SOX6: variants seen among roughly 807,000 people sequenced by gnomAD.
SOX6 encodes the protein SRY-box transcription factor 6.
A neutral mutation model predicts 97.8 loss-of-function variants in SOX6; 11 were observed. The ratio of observed to expected loss-of-function variants is 0.11; its 90% confidence interval spans 0.07 to 0.19. SOX6 has a LOEUF of 0.19. Ranked by LOEUF, SOX6 falls within the 10% of genes least tolerant of loss-of-function variation. The pLI is 1.00. For synonymous variants in SOX6, 360 were observed against 371.4 expected, an observed-to-expected ratio of 0.97 and a Z score of 0.35; for missense variants, 810 against 1,039.5, an observed-to-expected ratio of 0.78 and a Z score of 3.04.
chr11:16,322,599 G>A (rs575956232), intron 2 of SOX6, among the ~76,000 whole-genome samples: 11 of 152,262 alleles, frequency 7.2e-5, no homozygotes, highest in African/African-American at 2.6e-4. Flanking sequence ...GCTGTGAAGA[G>A]ACTTGAGACA....
chr11:16,167,297 G>A (rs907240820), intron 6 of SOX6, among the ~76,000 whole-genome samples: 1 of 151,892 alleles, frequency 6.6e-6, no homozygotes, highest in Non-Finnish European at 1.5e-5. Context: ...TCTAAATCTC[G>A]TTGGCTTTGC....
At chr11:16,493,285 C>T (rs975096882) in intron 4 of SOX6, among the ~76,000 whole-genome samples, 12 of 152,018 alleles carry the variant, frequency 7.9e-5, no homozygotes, top group African/African-American at 2.7e-4. Flanking sequence ...CACGAAATAA[C>T]AAAAATGTAT....
At chr11:16,502,497 A>G (rs1284475661) in intron 4 of SOX6, among the ~76,000 whole-genome samples, 5 of 152,100 alleles carry the variant, frequency 3.3e-5, no homozygotes, top group African/African-American at 1.2e-4. Context: ...CAGGAGAGAA[A>G]TGAGAAATTT....
chr11:16,644,134 AG>A (rs2134007488), intron 3 of SOX6, among the ~76,000 whole-genome samples: 1 of 152,224 alleles, frequency 6.6e-6, no homozygotes, highest in Non-Finnish European at 1.5e-5. Flanking sequence ...TCAACCTCCC[AG>A]GCTCAAGCAA....
chr11:16,435,407 A>G (rs936113540), intron 1 of SOX6, among the ~76,000 whole-genome samples: 1 of 152,228 alleles, frequency 6.6e-6, no homozygotes, highest in Non-Finnish European at 1.5e-5. Flanking sequence ...GCAGGCTAAT[A>G]GCCAAAGCAT....
At chr11:16,074,156 C>G (rs578226415) in intron 9 of SOX6, among the ~76,000 whole-genome samples, 2 of 152,094 alleles carry the variant, frequency 1.3e-5, no homozygotes, top group East Asian at 1.9e-4. Context: ...ATCAACAAAC[C>G]TGGTAGTTTG....
At chr11:16,373,665 T>G (rs1857552939) in intron 1 of SOX6, among the ~76,000 whole-genome samples, 1 of 152,068 alleles carries the variant, frequency 6.6e-6, no homozygotes, top group South Asian at 2.1e-4. Context: ...TTTGTAGGTT[T>G]TCTGGTTGAT....
At chr11:16,478,394 T>C (rs1439944044), upstream of SOX6, among the ~76,000 whole-genome samples, 1 of 152,212 alleles carries the variant, frequency 6.6e-6, no homozygotes, top group African/African-American at 2.4e-5. Flanking sequence ...CAATGAACTA[T>C]CTTGAATTAA....
chr11:16,484,033 T>C, intron 4 of SOX6: 1 of 801,936 alleles, frequency 1.2e-6, no homozygotes, highest in Non-Finnish European at 2.3e-6. Flanking sequence ...GCCCAGGGCC[T>C]GTCGGGAGAG....
chr11:16,679,504 G>A (rs752040271), intron 3 of SOX6, among the ~76,000 whole-genome samples: 3 of 152,180 alleles, frequency 2.0e-5, no homozygotes, highest in African/African-American at 7.2e-5. Context: ...CCACAAAGGT[G>A]GGGAGAAACC....
intron 4 of SOX6, among the ~76,000 whole-genome samples, chr11:16,230,416 G>T (rs1203548926): frequency 6.6e-6 from 1 of 151,562 alleles, no homozygotes; most frequent in Non-Finnish European, 1.5e-5. Context: ...GTCAATAGAG[G>T]CAAGTTACAA....
intron 3 of SOX6, among the ~76,000 whole-genome samples, chr11:16,647,341 T>C (rs1849030152): frequency 6.6e-6 from 1 of 152,230 alleles, no homozygotes; most frequent in African/African-American, 2.4e-5. Flanking sequence ...ATTTATTTAA[T>C]GGTTACCCTT....
At chr11:16,161,168 A>G (rs1850739620) in intron 6 of SOX6, among the ~76,000 whole-genome samples, 1 of 152,094 alleles carries the variant, frequency 6.6e-6, no homozygotes, top group African/African-American at 2.4e-5. Flanking sequence ...GTCACTGGAC[A>G]AGAAGTTGGG....
intron 15 of SOX6, among the ~76,000 whole-genome samples, chr11:15,985,767 C>T (rs1275728197): frequency 2.0e-5 from 3 of 152,072 alleles, no homozygotes; most frequent in South Asian, 2.1e-4. Context: ...TAACCAATGT[C>T]GAGGCCAATT....
intron 1 of SOX6, among the ~76,000 whole-genome samples, chr11:16,424,482 T>C (rs1250349280): frequency 6.7e-6 from 1 of 149,076 alleles, no homozygotes; most frequent in Admixed American, 6.7e-5. Context: ...AGAAAATGGA[T>C]CCTGAATCTC....
Position 16,013,511 on chromosome 11 carries a change from C to A in SOX6, c.1732+1431G>T, listed in dbSNP as rs556234631. Among the ~76,000 whole-genome samples the A allele has an allele frequency of 3.3e-5, 5 of 152,106 alleles. No homozygotes were observed. In the South Asian group the frequency reaches 1.0e-3, roughly 32 times the overall value. ...TTTAAGTGCCTATGAAAATAATGGGCTGTTGATACACATTCTTCAAGGAAG... is the reference window on the plus strand; with the variant it reads ...TTTAAGTGCCTATGAAAATAATGGGATGTTGATACACATTCTTCAAGGAAG... On this transcript the variant is annotated intron_variant, in intron 13 of 15. Coordinates refer to ENST00000683767, the MANE Select transcript of SOX6 (RefSeq NM_001367873.1).
intron 4 of SOX6, among the ~76,000 whole-genome samples, chr11:16,604,263 G>C (rs2133979007): frequency 6.6e-6 from 1 of 152,334 alleles, no homozygotes; most frequent in South Asian, 2.1e-4. Context: ...TGTCCGTCCT[G>C]TCCCTCCTCG....
At chr11:16,124,551 G>T (rs1005953031) in intron 6 of SOX6, among the ~76,000 whole-genome samples, 15 of 152,024 alleles carry the variant, frequency 9.9e-5, no homozygotes, top group Admixed American at 9.9e-4. Context: ...AGGGTTAAAC[G>T]ACCTGAGGAA....
intron 1 of SOX6, among the ~76,000 whole-genome samples, chr11:16,463,090 T>C (rs890841097): frequency 2.0e-5 from 3 of 152,078 alleles, no homozygotes; most frequent in African/African-American, 7.2e-5. Flanking sequence ...CCTGTGAAAA[T>C]TTTATCAGAT....
Sources: gnomAD v4.1 joint callset for allele counts (sites outside exome capture counted in the v4.1 genomes callset) on GRCh38, gnomAD v4.1.1 for gene constraint, MANE v1.5 for transcripts, NCBI Gene and HGNC (gene_info 2026-07-23, HGNC 2026-07-21) for gene names.